SEMA3A: variants seen among roughly 807,000 people sequenced by gnomAD.
The protein encoded by SEMA3A is semaphorin-3A.
Under a neutral mutation model 97.9 loss-of-function variants are expected in SEMA3A, and 29 were observed. That is an observed-to-expected ratio of 0.30 (90% CI 0.22 to 0.40). SEMA3A has a LOEUF of 0.40. Among genes scored for constraint, SEMA3A ranks in the 10% least tolerant of loss-of-function variants. The probability of loss-of-function intolerance (pLI) is 1.00; values close to 1 mark genes in which losing one functional copy is unlikely to be tolerated. For synonymous variants in SEMA3A, 321 were observed against 323.7 expected, an observed-to-expected ratio of 0.99 and a Z score of 0.09; for missense variants, 763 against 951.3, an observed-to-expected ratio of 0.80 and a Z score of 2.60.
chr7:84,099,035 T>C lies in SEMA3A; in HGVS notation c.453+11435A>G, dbSNP rs1451077759. On this transcript the variant is annotated intron_variant, in intron 4 of 16. Transcript: ENST00000265362. The stretch of plus-strand genomic sequence containing the variant: ...ATAGCAGAAGATAAATTGGATAGAA[T>C]AACCAGAGATTAATCAGGAATTACA... 3.3e-5 allele frequency among the ~76,000 whole-genome samples: 5 copies of C among 151,734 alleles called. No individual in the cohort carries two copies. In the East Asian group the frequency reaches 9.7e-4, roughly 29 times the overall value.
chr7:84,043,951 G>C (rs983275444), intron 6 of SEMA3A, among the ~76,000 whole-genome samples: 1 of 151,928 alleles, frequency 6.6e-6, no homozygotes, highest in African/African-American at 2.4e-5. Flanking sequence ...GCTTTAACTT[G>C]ATGGGTTTTT....
At chr7:84,412,238 T>C (rs973965206) in intron 1 of SEMA3A, among the ~76,000 whole-genome samples, 1 of 152,136 alleles carries the variant, frequency 6.6e-6, no homozygotes, top group Non-Finnish European at 1.5e-5. Context: ...TTAAGGAGCA[T>C]GGATCAAGCA....
intron 15 of SEMA3A, among the ~76,000 whole-genome samples, chr7:83,975,413 C>G (rs1789103298): frequency 6.6e-6 from 1 of 151,962 alleles, no homozygotes; most frequent in Non-Finnish European, 1.5e-5. Flanking sequence ...TAAGAGAGAT[C>G]TTATTTTTGA....
intron 1 of SEMA3A, among the ~76,000 whole-genome samples, chr7:84,397,110 T>C (rs574782164): frequency 8.2e-4 from 124 of 152,088 alleles, no homozygotes; most frequent in Admixed American, 1.6e-3. Context: ...GTGAAAGGCA[T>C]ACAAAATCAC....
intron 3 of SEMA3A, among the ~76,000 whole-genome samples, chr7:84,210,619 C>A (rs746004328): frequency 6.6e-5 from 10 of 152,100 alleles, no homozygotes; most frequent in Non-Finnish European, 1.3e-4. Flanking sequence ...AAGAGAATGC[C>A]ATGGGCAGAT....
intron 1 of SEMA3A, among the ~76,000 whole-genome samples, chr7:84,487,278 C>A (rs1359885412): frequency 6.6e-6 from 1 of 152,052 alleles, no homozygotes; most frequent in Admixed American, 6.6e-5. Context: ...CAAGAGCCCC[C>A]CATGCAAAGG....
chr7:84,222,865 C>A (rs568705314), intron 3 of SEMA3A, among the ~76,000 whole-genome samples: 175 of 151,876 alleles, frequency 1.2e-3, no homozygotes, highest in African/African-American at 3.9e-3. Flanking sequence ...TTGCAAAATA[C>A]AAATACATAG....
At chr7:84,458,296 T>A (rs2116381686) in intron 1 of SEMA3A, among the ~76,000 whole-genome samples, 1 of 152,150 alleles carries the variant, frequency 6.6e-6, no homozygotes, top group African/African-American at 2.4e-5. Flanking sequence ...ATTTAACATG[T>A]ACACCAGCTT....
At chr7:84,058,441 A>G (rs570897191) in intron 5 of SEMA3A, among the ~76,000 whole-genome samples, 2 of 152,192 alleles carry the variant, frequency 1.3e-5, no homozygotes, top group Non-Finnish European at 2.9e-5. Flanking sequence ...AATGCCAACG[A>G]AAACCCAACA....
intron 3 of SEMA3A, among the ~76,000 whole-genome samples, chr7:84,285,243 T>C (rs1028632145): frequency 1.3e-5 from 2 of 152,088 alleles, no homozygotes; most frequent in African/African-American, 4.8e-5. Context: ...GAAGACAATA[T>C]AGCAGGTGCC....
In SEMA3A at chr7:83,961,837, A is replaced by C. The variant is rs1046355279; in HGVS notation, c.1861-11T>G. The C allele has an allele frequency of 6.4e-7, 1 of 1,566,088 alleles. No individual in the cohort carries two copies. The highest frequency in any genetic ancestry group is 8.7e-7 in the Non-Finnish European group (1 of 1,146,252). ...ATCATCCACTCTGATCTAGCAGGTT[A>C]AAAAAAAGGCAGTGTAAAATATACA... On this transcript the variant is annotated splice_polypyrimidine_tract_variant and intron_variant, in intron 16 of 16. Coordinates refer to ENST00000265362, the MANE Select transcript of SEMA3A (RefSeq NM_006080.3).
Position 84,007,294 on chromosome 7 carries a change from T to C in SEMA3A, c.1140+59A>G, listed in dbSNP as rs561353987. ...TTAATATCTGTCTGTAGCTGCATTG[T>C]TTTTTGACCTTTGGCAGAAATATAT... is the stretch of plus-strand genomic sequence containing the variant. On this transcript the variant is annotated intron_variant, in intron 10 of 16. Transcript: ENST00000265362. The C allele has an allele frequency of 5.6e-5, 79 of 1,420,392 alleles. No homozygotes were observed. The African/African-American group carries it at 8.5e-4, about 15-fold the overall frequency. 88.0% of individuals were successfully genotyped at this position (1,420,392 alleles called of 1,614,324 possible).
intron 1 of SEMA3A, among the ~76,000 whole-genome samples, chr7:84,463,285 G>T (rs2116392567): frequency 9.1e-6 from 1 of 110,470 alleles, no homozygotes; most frequent in Admixed American, 1.2e-4. Context: ...CTCTTGCTCT[G>T]TCACACAGGC....
Position 83,969,489 on chromosome 7 carries a change from C to T in SEMA3A, c.1718-6142G>A, listed in dbSNP as rs528703079. Reference sequence around the variant, plus strand: ...ATCCTGGCAGAATGGTAATCGTAAACGCTTAGCTGATGTTTGCTAAATGGC... The same window carrying T: ...ATCCTGGCAGAATGGTAATCGTAAATGCTTAGCTGATGTTTGCTAAATGGC... On this transcript the variant is annotated intron_variant, in intron 15 of 16. Transcript: ENST00000265362. 2.6e-5 allele frequency among the ~76,000 whole-genome samples: 4 copies of T among 152,276 alleles called. No homozygotes were observed. In the South Asian group the frequency reaches 6.2e-4, roughly 24 times the overall value.
At chr7:84,252,142 C>A (rs1252623345) in intron 3 of SEMA3A, among the ~76,000 whole-genome samples, 1 of 152,158 alleles carries the variant, frequency 6.6e-6, no homozygotes, top group Non-Finnish European at 1.5e-5. Context: ...ATCCTCCCAG[C>A]AATCCTCTTC....
chr7:83,971,530 G>A (rs1788915294), intron 15 of SEMA3A, among the ~76,000 whole-genome samples: 1 of 151,436 alleles, frequency 6.6e-6, no homozygotes, highest in Non-Finnish European at 1.5e-5. Flanking sequence ...CAGTGATTTT[G>A]TTTACTTTTT....
intron 2 of SEMA3A, among the ~76,000 whole-genome samples, chr7:84,332,233 C>A (rs1801925405): frequency 6.6e-6 from 1 of 151,906 alleles, no homozygotes; most frequent in Non-Finnish European, 1.5e-5. Context: ...CAAATAAACC[C>A]AAAATTCTAA....
chr7:84,276,147 C>T (rs565871041), intron 3 of SEMA3A, among the ~76,000 whole-genome samples: 24 of 152,090 alleles, frequency 1.6e-4, no homozygotes, highest in African/African-American at 4.6e-4. Flanking sequence ...TTAATTCTTT[C>T]GTTTATTCAA....
intron 1 of SEMA3A, among the ~76,000 whole-genome samples, chr7:84,459,054 C>T (rs1805758069): frequency 6.6e-6 from 1 of 152,102 alleles, no homozygotes; most frequent in Non-Finnish European, 1.5e-5. Context: ...CTAATATCAT[C>T]ACCCTCCCAG....
Sources: gnomAD v4.1 joint callset for allele counts (sites outside exome capture counted in the v4.1 genomes callset) on GRCh38, gnomAD v4.1.1 for gene constraint, MANE v1.5 for transcripts, NCBI Gene and HGNC (gene_info 2026-07-23, HGNC 2026-07-21) for gene names.